The following ATP5MC2 variants were observed in gnomAD, a reference collection of about 807,000 sequenced individuals.
ATP5MC2 encodes ATP synthase F(0) complex subunit C2, mitochondrial.
In ATP5MC2, 11 loss-of-function variants were observed where a neutral mutation model predicts 13.5. That is an observed-to-expected ratio of 0.81 (90% CI 0.51 to 1.35). The LOEUF (loss-of-function observed/expected upper bound fraction) is 1.35, where lower values mean the gene tolerates loss of function less well. Ranked by LOEUF, ATP5MC2 falls within the 40% of genes most tolerant of loss-of-function variation. ATP5MC2 has a pLI of 0.00. For missense variants in ATP5MC2, 132 were observed against 175.0 expected, an observed-to-expected ratio of 0.75 and a Z score of 1.39; for synonymous variants, 64 against 69.7, an observed-to-expected ratio of 0.92 and a Z score of 0.41.
chr12:53,667,956 CATATATAT>C (rs772110168), intron 4 of ATP5MC2, among the ~76,000 whole-genome samples: 1,133 of 67,338 alleles, frequency 0.017, 35 homozygotes, highest in Admixed American at 0.054. Context: ...CATACACACA[CATATATAT>C]ATATATATAT....
chr12:53,667,784 C>T (rs1382805799), intron 4 of ATP5MC2, among the ~76,000 whole-genome samples: 2 of 151,728 alleles, frequency 1.3e-5, no homozygotes, highest in Non-Finnish European at 2.9e-5. Context: ...CGTAAGGCAC[C>T]ACACCCGGCC....
chr12:53,676,126 G>C (rs747866729), upstream of ATP5MC2: 2 of 1,614,140 alleles, frequency 1.2e-6, no homozygotes, highest in Non-Finnish European at 1.7e-6. Context: ...GCGCATGCGT[G>C]ACCCGGGCCA....
At chr12:53,671,096 G>C (rs1390997283) in intron 2 of ATP5MC2, among the ~76,000 whole-genome samples, 1 of 152,182 alleles carries the variant, frequency 6.6e-6, no homozygotes, top group Non-Finnish European at 1.5e-5. Flanking sequence ...AAAGATTCAT[G>C]CTCAAAACTC....
At chr12:53,674,474 T>A (rs55777415) in intron 1 of ATP5MC2, among the ~76,000 whole-genome samples, 20 of 152,254 alleles carry the variant, frequency 1.3e-4, no homozygotes, top group Non-Finnish European at 2.5e-4. Context: ...GTGGTAGTGG[T>A]AGAGGATAGA....
rs1335065301 is a variant in ATP5MC2, at chr12:53,669,295, G to A, written c.164C>T (p.Ser55Phe). The change falls in exon 4 of 5, where the codon TCT (serine) becomes TTT (phenylalanine). Residue 55 changes from serine (S) to phenylalanine (F), a missense_variant. Coordinates refer to ENST00000394349, the MANE Select transcript of ATP5MC2 (RefSeq NM_005176.7). ...GGCGCTGGTTTGGAAGCTGCGGCTA[G>A]AGACAAGTGAGGTAAGGGGACATGA... ...AVSCPLTSLV[S>F]SRSFQTSAIS... 6.2e-7 allele frequency: 1 copy of A among 1,614,148 alleles called. No homozygotes were observed. The highest frequency in any genetic ancestry group is 2.2e-5 in the East Asian group (1 of 44,878).
chr12:53,676,337 GT>G, upstream of ATP5MC2: 1 of 1,257,400 alleles, frequency 8.0e-7, no homozygotes. Flanking sequence ...CTGCGGTTTG[GT>G]CTGTACCGCG....
At chr12:53,674,392 C>T (rs934600085) in intron 1 of ATP5MC2, among the ~76,000 whole-genome samples, 11 of 152,230 alleles carry the variant, frequency 7.2e-5, no homozygotes. Flanking sequence ...CCCTGTATTT[C>T]AAACAAGTTT....
At chr12:53,671,339 T>C (rs1413427513) in intron 2 of ATP5MC2, among the ~76,000 whole-genome samples, 1 of 152,266 alleles carries the variant, frequency 6.6e-6, no homozygotes, top group Admixed American at 6.5e-5. Context: ...AATGAGATTA[T>C]GTATACCAAT....
chr12:53,681,302 G>A (rs1945338461), upstream of ATP5MC2, among the ~76,000 whole-genome samples: 1 of 151,536 alleles, frequency 6.6e-6, no homozygotes, highest in Non-Finnish European at 1.5e-5. Context: ...AAGGCAGGAG[G>A]ATCATTTGAG....
upstream of ATP5MC2, among the ~76,000 whole-genome samples, chr12:53,680,909 A>T (rs1945336699): frequency 6.6e-6 from 1 of 151,880 alleles, no homozygotes; most frequent in South Asian, 2.1e-4. Flanking sequence ...CCACGCCCTA[A>T]TTATTTTTGT....
chr12:53,676,198 C>G, upstream of ATP5MC2: 1 of 1,612,316 alleles, frequency 6.2e-7, no homozygotes, highest in Non-Finnish European at 8.5e-7. Flanking sequence ...GGCATCACAG[C>G]GCCGCCTGCC....
intron 4 of ATP5MC2, among the ~76,000 whole-genome samples, chr12:53,667,958 T>TACATAC (rs1565625194): frequency 3.5e-4 from 5 of 14,164 alleles, no homozygotes; most frequent in African/African-American, 1.6e-3. Context: ...TACACACACA[T>TACATAC]ATATATATAT....
chr12:53,680,141 A>T (rs1945333255), upstream of ATP5MC2, among the ~76,000 whole-genome samples: 1 of 152,074 alleles, frequency 6.6e-6, no homozygotes, highest in South Asian at 2.1e-4. Flanking sequence ...ATGCGCCACC[A>T]TGCCCGGCTA....
chr12:53,666,699 G>T (rs1944923727), intron 4 of ATP5MC2, among the ~76,000 whole-genome samples: 1 of 151,894 alleles, frequency 6.6e-6, no homozygotes, highest in Non-Finnish European at 1.5e-5. Flanking sequence ...GGCAGAGGTT[G>T]CAGTGAGCTG....
At chr12:53,672,712 A>G (rs1945139595) in intron 1 of ATP5MC2, 67 bp from the exon 2 acceptor site, 1 of 1,451,664 alleles carries the variant, frequency 6.9e-7, no homozygotes, top group Admixed American at 2.1e-5. Context: ...TTAGCAGAAA[A>G]GGGGCCCTAG....
intron 3 of ATP5MC2, 131 bp from the exon 4 acceptor site, chr12:53,669,472 T>C (rs1304100972): frequency 1.0e-5 from 15 of 1,433,144 alleles, no homozygotes; most frequent in African/African-American, 1.4e-5. Context: ...CCTAAAATGC[T>C]GGCAAGTAGA....
chr12:53,666,218 T>A (rs986735025), intron 4 of ATP5MC2, among the ~76,000 whole-genome samples: 8 of 148,494 alleles, frequency 5.4e-5, no homozygotes, highest in Non-Finnish European at 1.2e-4. Flanking sequence ...CCGAGATGAG[T>A]AGATTGCTTG....
At chr12:53,675,595 C>G (rs1034623657) in intron 1 of ATP5MC2, among the ~76,000 whole-genome samples, 1 of 152,152 alleles carries the variant, frequency 6.6e-6, no homozygotes, top group Non-Finnish European at 1.5e-5. Context: ...TGACTTTAGA[C>G]GATCCACTAT....
At chr12:53,672,842 A>C in intron 1 of ATP5MC2, 197 bp from the exon 2 acceptor site, 1 of 563,706 alleles carries the variant, frequency 1.8e-6, no homozygotes, top group Non-Finnish European at 3.1e-6. Flanking sequence ...TTTCCTTATA[A>C]TGAAGTGACT....
Sources: gnomAD v4.1 joint callset for allele counts (sites outside exome capture counted in the v4.1 genomes callset) on GRCh38, gnomAD v4.1.1 for gene constraint, MANE v1.5 for transcripts, NCBI Gene and HGNC (gene_info 2026-07-23, HGNC 2026-07-21) for gene names.